The following CHRNA7 variants were observed in gnomAD, a reference collection of about 807,000 sequenced individuals.
CHRNA7 encodes the protein cholinergic receptor nicotinic alpha 7 subunit, also known as neuronal acetylcholine receptor subunit alpha-7.
A neutral mutation model predicts 48.0 loss-of-function variants in CHRNA7; 17 were observed. The observed-to-expected ratio is 0.35, with a 90% CI of 0.24 to 0.53. CHRNA7 has a LOEUF of 0.53. Ranked by LOEUF, CHRNA7 falls within the 20% of genes least tolerant of loss-of-function variation. The probability of loss-of-function intolerance (pLI) is 0.92; values close to 1 mark genes in which losing one functional copy is unlikely to be tolerated. For missense variants in CHRNA7, 155 were observed against 577.7 expected (o/e 0.27, Z 7.50); for synonymous variants, 75 against 242.3 (o/e 0.31, Z 6.41).
chr15:32,070,588 G>C (rs753329701), intron 2 of CHRNA7, among the ~76,000 whole-genome samples: 1 of 146,922 alleles, frequency 6.8e-6, no homozygotes, highest in Non-Finnish European at 1.5e-5. Context: ...TCTTAAAAAG[G>C]TTTATAGTTT....
At chr15:32,141,224 A>T (rs1351580604) in intron 4 of CHRNA7, among the ~76,000 whole-genome samples, 1 of 152,144 alleles carries the variant, frequency 6.6e-6, no homozygotes, top group Admixed American at 6.6e-5. Flanking sequence ...CAAAGATCAG[A>T]TGGTTGTAGA....
chr15:32,105,394 TGGA>T (rs999728800), intron 3 of CHRNA7, among the ~76,000 whole-genome samples: 2 of 126,144 alleles, frequency 1.6e-5, no homozygotes, highest in South Asian at 2.5e-4. Flanking sequence ...GGAGGAAAAA[TGGA>T]GGAGGAGTTG....
rs1160623981 is a variant in CHRNA7, at chr15:32,158,607, G to GT, written c.793+2dup. The GT allele has an allele frequency of 5.1e-6, 8 of 1,565,334 alleles. No homozygotes were observed. Among genetic ancestry groups the GT allele is most frequent in the Non-Finnish European group, 6.9e-6 (8 of 1,153,836 alleles). On this transcript the variant is annotated splice_donor_variant, in intron 7 of 9. Transcript: ENST00000306901. LOFTEE classifies it high-confidence loss of function. ...GATTCCGGGGAGAAGATTTCCCTGG[G>GT]TAAGCGCCCCAGTGTCTGGCGGGAG...
chr15:32,036,419 A>C (rs1457168123), intron 2 of CHRNA7, among the ~76,000 whole-genome samples: 2 of 152,210 alleles, frequency 1.3e-5, no homozygotes, highest in African/African-American at 4.8e-5. Context: ...TTACGTGAAC[A>C]TAAGGTTTCA....
Position 32,030,655 on chromosome 15 carries a change from G to T in CHRNA7, c.55+6G>T, listed in dbSNP as rs201481315. ...GGCCGCGTCGCTCCTGCACGGTAAA[G>T]CCACTGCCTCCCCGCCCTCCACTCC... On this transcript the variant is annotated splice_donor_region_variant and intron_variant, in intron 1 of 9. Transcript: ENST00000306901. 221 of 1,575,884 alleles carry T rather than the reference G, an allele frequency of 1.4e-4. 3 individuals are homozygous for T. The South Asian group carries it at 2.3e-3, about 17-fold the overall frequency.
intron 4 of CHRNA7, among the ~76,000 whole-genome samples, chr15:32,142,207 T>C (rs908681705): frequency 6.6e-6 from 1 of 152,230 alleles, no homozygotes; most frequent in African/African-American, 2.4e-5. Flanking sequence ...GTTCTGTTTA[T>C]GTGATGGATT....
intron 2 of CHRNA7, among the ~76,000 whole-genome samples, chr15:32,042,621 T>C (rs2049469093): frequency 6.6e-6 from 1 of 152,196 alleles, no homozygotes; most frequent in African/African-American, 2.4e-5. Context: ...TCAGGTTTTC[T>C]TACTCTGCTG....
rs550781003 is a variant in CHRNA7 at position 32,061,835 on chromosome 15, CA to C, written c.195+30805del. On this transcript the variant is annotated intron_variant, in intron 2 of 9. Coordinates refer to ENST00000306901, the MANE Select transcript of CHRNA7 (RefSeq NM_000746.6). ...AAACAACAGCAACAACAAAAAACAC[CA>C]AAAAAACAACAAAACAAAACAAATA... 2.5e-3 allele frequency among the ~76,000 whole-genome samples: 373 copies of C among 151,934 alleles called. 3 individuals are homozygous for C. The highest frequency in any genetic ancestry group is 8.9e-3 in the African/African-American group (368 of 41,434).
chr15:32,033,177 T>C (rs1041831419), intron 2 of CHRNA7, among the ~76,000 whole-genome samples: 1 of 152,230 alleles, frequency 6.6e-6, no homozygotes, highest in African/African-American at 2.4e-5. Flanking sequence ...CAGGCAATGC[T>C]ATGTTCATGG....
At chr15:32,152,407 C>T (rs994465892) in intron 4 of CHRNA7, among the ~76,000 whole-genome samples, 1 of 152,170 alleles carries the variant, frequency 6.6e-6, no homozygotes, top group Admixed American at 6.5e-5. Context: ...CGTGCCCCTG[C>T]ACTCCAGCCT....
chr15:32,118,903 G>T (rs1248247529), intron 4 of CHRNA7, among the ~76,000 whole-genome samples: 1 of 151,440 alleles, frequency 6.6e-6, no homozygotes, highest in Non-Finnish European at 1.5e-5. Flanking sequence ...CAGGCCCTGT[G>T]ATATCAAGTG....
At chr15:32,111,504 CAGG>C in intron 3 of CHRNA7, 1 of 300,266 alleles carries the variant, frequency 3.3e-6, no homozygotes, top group Non-Finnish European at 6.1e-6. Context: ...CCATCTACTG[CAGG>C]AGGAGAAGGC....
intron 9 of CHRNA7, chr15:32,163,543 G>A (rs1488183640): frequency 5.8e-6 from 1 of 171,916 alleles, no homozygotes; most frequent in East Asian, 7.8e-5. Flanking sequence ...TCCACCTCCT[G>A]GATTCAAGCA....
chr15:32,042,680 T>C (rs918486944), intron 2 of CHRNA7, among the ~76,000 whole-genome samples: 25 of 152,360 alleles, frequency 1.6e-4, no homozygotes, highest in Admixed American at 1.4e-3. Flanking sequence ...TGGAAAGTCC[T>C]GGCTCTCTGT....
intron 4 of CHRNA7, among the ~76,000 whole-genome samples, chr15:32,133,037 G>C (rs2051182993): frequency 6.6e-6 from 1 of 152,194 alleles, no homozygotes; most frequent in Non-Finnish European, 1.5e-5. Context: ...CTGGCTGTTT[G>C]CCCAGTCAGC....
chr15:32,100,562 T>C (rs1421352659), intron 2 of CHRNA7: 1 of 154,522 alleles, frequency 6.5e-6, no homozygotes, highest in Non-Finnish European at 1.5e-5. Flanking sequence ...CCCTGATTAG[T>C]GCATAGGCTT....
At chr15:32,031,167 C>A in intron 2 of CHRNA7, 130 bp downstream of exon 2, 1 of 1,092,372 alleles carries the variant, frequency 9.2e-7, no homozygotes, top group South Asian at 1.5e-5. Context: ...CTAGGCAGGG[C>A]CATGCTCTGA....
At chr15:32,068,218 G>C (rs746693880) in intron 2 of CHRNA7, among the ~76,000 whole-genome samples, 5 of 152,046 alleles carry the variant, frequency 3.3e-5, no homozygotes, top group African/African-American at 1.2e-4. Context: ...AGGTTGAGGT[G>C]GGAGGATTGC....
intron 4 of CHRNA7, among the ~76,000 whole-genome samples, chr15:32,115,903 A>G (rs1381378671): frequency 5.9e-5 from 9 of 152,168 alleles, no homozygotes; most frequent in Admixed American, 4.6e-4. Context: ...GAAAGAAATC[A>G]TGTAGGCAAC....
Sources: allele counts gnomAD v4.1 joint callset (sites outside exome capture counted in the v4.1 genomes callset), GRCh38; gene constraint gnomAD v4.1.1; transcripts MANE v1.5; gene names NCBI Gene and HGNC (gene_info 2026-07-23, HGNC 2026-07-21).